The following BCAS3 variants were observed in gnomAD, a reference collection of about 807,000 sequenced individuals.
BCAS3 encodes BCAS4/BCAS3 fusion.
In BCAS3, 53 loss-of-function variants were observed where a neutral mutation model predicts 116.1. The observed-to-expected ratio is 0.46, with a 90% CI of 0.37 to 0.57. The LOEUF (loss-of-function observed/expected upper bound fraction) is 0.57, where lower values mean the gene tolerates loss of function less well. Ranked by LOEUF, BCAS3 falls within the 20% of genes least tolerant of loss-of-function variation. The pLI, the probability that BCAS3 is intolerant of heterozygous loss-of-function variation, is 0.00. For missense variants in BCAS3, 917 were observed against 1,165.4 expected (o/e 0.79, Z 3.10); for synonymous variants, 391 against 408.2 (o/e 0.96, Z 0.51).
chr17:61,302,139 C>G lies in BCAS3; in HGVS notation c.2426-66188C>G, dbSNP rs1406737580. Among the ~76,000 whole-genome samples the G allele has an allele frequency of 6.6e-6, 1 of 152,176 alleles. No individual in the cohort carries two copies. The highest frequency in any genetic ancestry group is 1.5e-5 in the Non-Finnish European group (1 of 68,034). On this transcript the variant is annotated intron_variant, in intron 22 of 23. Coordinates refer to ENST00000407086, the MANE Select transcript of BCAS3 (RefSeq NM_017679.5). The surrounding 1 kb of genome is among the most constrained non-coding windows in gnomAD (Gnocchi z 4.4). ...CTCATTACCTCCTCCCTGTCCCACT[C>G]TTGCCATGCCAGGAGAAAGAGCCAA...
At chr17:60,845,746 A>G (rs2052457744) in intron 7 of BCAS3, among the ~76,000 whole-genome samples, 1 of 151,368 alleles carries the variant, frequency 6.6e-6, no homozygotes, top group African/African-American at 2.4e-5. Flanking sequence ...TCTTGGTTAC[A>G]TACTCCCTTT....
At chr17:61,295,781 G>T (rs1350936500) in intron 22 of BCAS3, among the ~76,000 whole-genome samples, 1 of 149,266 alleles carries the variant, frequency 6.7e-6, no homozygotes, top group Non-Finnish European at 1.5e-5. Flanking sequence ...TGAAACCCCC[G>T]TCTCTACTAA....
chr17:60,873,067 G>C (rs1383542549), intron 8 of BCAS3, among the ~76,000 whole-genome samples: 2 of 152,084 alleles, frequency 1.3e-5, no homozygotes, highest in Non-Finnish European at 1.5e-5. Flanking sequence ...TGAGGCTTTA[G>C]TATAGTAACA....
At chr17:61,154,873 T>C (rs116524406) in intron 22 of BCAS3, among the ~76,000 whole-genome samples, 4,524 of 152,256 alleles carry the variant, frequency 0.03, 252 homozygotes, top group African/African-American at 0.1. Flanking sequence ...ATTTTTACTC[T>C]TAAATTACAA....
At chr17:61,358,723 C>T (rs759875577) in intron 22 of BCAS3, among the ~76,000 whole-genome samples, 3 of 151,674 alleles carry the variant, frequency 2.0e-5, no homozygotes, top group Non-Finnish European at 2.9e-5. Context: ...TTTGAACTTC[C>T]GGCCTCAGGT....
Position 60,868,588 on chromosome 17 carries a change from G to A in BCAS3, c.489G>A (p.Pro163=), listed in dbSNP as rs73320618. 0.017 allele frequency: 26,743 copies of A among 1,569,622 alleles called. 3,868 individuals carry two copies. The African/African-American group carries it at 0.32, about 19-fold the overall frequency. The change falls in exon 8 of 24, where the codon CCG becomes CCA. Residue 163 remains proline, a synonymous_variant. Coordinates refer to ENST00000407086, the MANE Select transcript of BCAS3 (RefSeq NM_017679.5). The part of the protein sequence containing the change: ...KSIGSSGTSP[P]YCCVDLYSLR... ...TTTTCTTTTTTAGCACAAGCCCACC[G>A]TACTGTTGTGTGGATCTGTATTCAC...
At chr17:61,167,368 G>A (rs2078571825) in intron 22 of BCAS3, among the ~76,000 whole-genome samples, 1 of 152,164 alleles carries the variant, frequency 6.6e-6, no homozygotes, top group African/African-American at 2.4e-5. Context: ...TAGCAATACA[G>A]GCTTAAAATT....
At chr17:60,941,463 A>C (rs2060219242) in intron 13 of BCAS3, among the ~76,000 whole-genome samples, 1 of 152,222 alleles carries the variant, frequency 6.6e-6, no homozygotes, top group South Asian at 2.1e-4. Context: ...GAATGTGTGC[A>C]AAAGAGGAAA....
Position 61,313,454 on chromosome 17 carries a change from C to A in BCAS3, c.2426-54873C>A, listed in dbSNP as rs546760893. ...GGAGCCTAAGGAATAGCCCAGTTGG[C>A]TCCTCTCTGAGAGCGGGTAAGAGTA... On this transcript the variant is annotated intron_variant, in intron 22 of 23. Coordinates refer to ENST00000407086, the MANE Select transcript of BCAS3 (RefSeq NM_017679.5). The surrounding 1 kb of genome is among the most constrained non-coding windows in gnomAD (Gnocchi z 4.3). Among the ~76,000 whole-genome samples the A allele has an allele frequency of 6.6e-6, 1 of 152,352 alleles. No homozygotes were observed. Among genetic ancestry groups the A allele is most frequent in the South Asian group, 2.1e-4 (1 of 4,830 alleles).
In BCAS3 at chr17:61,161,894, G is replaced by A. The variant is rs371913634; in HGVS notation, c.2425+77330G>A. 1.3e-5 allele frequency among the ~76,000 whole-genome samples: 2 copies of A among 152,140 alleles called. No individual in the cohort carries two copies. The highest frequency in any genetic ancestry group is 2.1e-4 in the South Asian group (1 of 4,824). The stretch of plus-strand genomic sequence containing the variant: ...ATTGCTGGACAAAGATGAGCAGCAC[G>A]GATTTGCTGCGATGGTCAGAATTCA... On this transcript the variant is annotated intron_variant, in intron 22 of 23. Transcript: ENST00000407086. The surrounding 1 kb of genome is among the most constrained non-coding windows in gnomAD (Gnocchi z 4.8).
Position 61,079,502 on chromosome 17 carries a change from G to A in BCAS3, c.2327+973G>A, listed in dbSNP as rs151200232. Among the ~76,000 whole-genome samples, 135 of 152,224 alleles carry A rather than the reference G, an allele frequency of 8.9e-4. 1 individual carries two copies. The highest frequency in any genetic ancestry group is 2.7e-3 in the African/African-American group (113 of 41,538). On this transcript the variant is annotated intron_variant, in intron 21 of 23. Coordinates refer to ENST00000407086, the MANE Select transcript of BCAS3 (RefSeq NM_017679.5). ...CAGGAGATAAGCCTAGAGTACGGCC[G>A]GCTGCCTACTTGGGTCTGAATTGCA...
intron 14 of BCAS3, among the ~76,000 whole-genome samples, chr17:60,954,332 C>T (rs2061007144): frequency 6.6e-6 from 1 of 151,912 alleles, no homozygotes; most frequent in Non-Finnish European, 1.5e-5. Context: ...CTTAGGATTA[C>T]GTTGGTTATT....
At chr17:61,172,544 G>A (rs1200247079) in intron 22 of BCAS3, among the ~76,000 whole-genome samples, 5 of 152,178 alleles carry the variant, frequency 3.3e-5, no homozygotes, top group Non-Finnish European at 7.3e-5. Context: ...GGCTGAGGAG[G>A]GAGAAGGGCG....
intron 22 of BCAS3, among the ~76,000 whole-genome samples, chr17:61,240,510 C>T (rs1327435690): frequency 2.0e-5 from 3 of 152,102 alleles, no homozygotes; most frequent in African/African-American, 7.2e-5. Flanking sequence ...AAAAAATAGC[C>T]AGGCGTGGTG....
chr17:60,834,340 A>G (rs1018078447), intron 7 of BCAS3, among the ~76,000 whole-genome samples: 5 of 152,072 alleles, frequency 3.3e-5, no homozygotes, highest in African/African-American at 1.2e-4. Flanking sequence ...TTTTACACAT[A>G]TCCTTCTCTA....
chr17:61,321,124 C>CT (rs1018231467), intron 22 of BCAS3, among the ~76,000 whole-genome samples: 3 of 151,512 alleles, frequency 2.0e-5, no homozygotes, highest in East Asian at 1.9e-4. Context: ...TTTTGGCCTT[C>CT]TTTTTTTTTC....
intron 9 of BCAS3, among the ~76,000 whole-genome samples, chr17:60,876,802 T>C (rs2055651903): frequency 6.6e-6 from 1 of 152,114 alleles, no homozygotes; most frequent in Admixed American, 6.6e-5. Flanking sequence ...TAGACAGTAT[T>C]CTCATTGAGA....
rs1355135233 is a variant in BCAS3, at chr17:61,286,775, G to C, written c.2426-81552G>C. ...ACGGGCTTACCAGAGTGAGAAGTTA[G>C]CATATTGAGGCAAATTACACTACAG... On this transcript the variant is annotated intron_variant, in intron 22 of 23. Coordinates refer to ENST00000407086, the MANE Select transcript of BCAS3 (RefSeq NM_017679.5). The surrounding 1 kb of genome is among the most constrained non-coding windows in gnomAD (Gnocchi z 4.8). Among the ~76,000 whole-genome samples, 3 of 152,308 alleles carry C rather than the reference G, an allele frequency of 2.0e-5. No homozygotes were observed. Among genetic ancestry groups the C allele is most frequent in the African/African-American group, 4.8e-5 (2 of 41,564 alleles).
At chr17:61,080,540 C>T (rs770916537) in intron 21 of BCAS3, among the ~76,000 whole-genome samples, 14 of 152,046 alleles carry the variant, frequency 9.2e-5, no homozygotes, top group Admixed American at 2.6e-4. Flanking sequence ...GTCAGGAGTT[C>T]GAGACCAGCC....
Sources: gnomAD v4.1 joint callset for allele counts (sites outside exome capture counted in the v4.1 genomes callset) on GRCh38, gnomAD v4.1.1 for gene constraint, Gnocchi (gnomAD v3.1) non-coding constraint, MANE v1.5 for transcripts, NCBI Gene and HGNC (gene_info 2026-07-23, HGNC 2026-07-21) for gene names.